Variants in NHSL1 observed in about 807,000 individuals in gnomAD.
The protein encoded by NHSL1 is NHS-like protein 1.
Under a neutral mutation model 95.0 loss-of-function variants are expected in NHSL1, and 48 were observed. The observed-to-expected ratio is 0.51, with a 90% CI of 0.40 to 0.64. The LOEUF is 0.64. Among genes scored for constraint, NHSL1 ranks in the 30% least tolerant of loss-of-function variants. The probability of loss-of-function intolerance (pLI) is 0.00; values close to 1 mark genes in which losing one functional copy is unlikely to be tolerated. For missense variants in NHSL1, 1,971 were observed against 2,077.7 expected, an observed-to-expected ratio of 0.95 and a Z score of 1.00; for synonymous variants, 783 against 833.9, an observed-to-expected ratio of 0.94 and a Z score of 1.05.
rs896400207 is a variant in NHSL1, at chr6:138,644,674, A to G, written c.96+47802T>C. Among the ~76,000 whole-genome samples the G allele has an allele frequency of 2.0e-5, 3 of 152,346 alleles. No individual in the cohort carries two copies. In the East Asian group the frequency reaches 5.8e-4, roughly 29 times the overall value. On this transcript the variant is annotated intron_variant, in intron 1 of 3. Transcript: ENST00000491526. ...TACCTGAAAATCTGGTTTTTACTTA[A>G]AAGGAGCAGGGACTGAGAGATAAGG... is the stretch of plus-strand genomic sequence containing the variant.
intron 1 of NHSL1, among the ~76,000 whole-genome samples, chr6:138,627,789 G>A (rs1233892436): frequency 1.3e-5 from 2 of 152,086 alleles, no homozygotes; most frequent in Non-Finnish European, 2.9e-5. Context: ...GCTGAGGCAG[G>A]AGAATCGCTT....
chr6:138,635,854 C>G (rs904724529), intron 1 of NHSL1, among the ~76,000 whole-genome samples: 2 of 151,416 alleles, frequency 1.3e-5, no homozygotes, highest in Admixed American at 1.3e-4. Flanking sequence ...TGGCTCACGC[C>G]AGTAATCCCA....
Position 138,424,532 on chromosome 6 carries a change from G to T in NHSL1, c.4370C>A (p.Ser1457Tyr), listed in dbSNP as rs369507715. 7 of 1,551,672 alleles carry T rather than the reference G, an allele frequency of 4.5e-6. No individual in the cohort carries two copies. The East Asian group carries it at 7.3e-5, about 16-fold the overall frequency. ...PRFQRSRSEP[S>Y]PDAPESPSSC... Reference sequence around the variant, plus strand: ...TGACGGGCTCTCGGGGGCATCTGGGGAAGGCTCTGACCTCGACCTCTGGAA... The same window carrying T: ...TGACGGGCTCTCGGGGGCATCTGGGTAAGGCTCTGACCTCGACCTCTGGAA... The change falls in exon 8 of 8, where the codon TCC (serine) becomes TAC (tyrosine). Residue 1457 changes from serine (S) to tyrosine (Y), a missense_variant. Around this residue, in one of 3 missense-constraint regions of NHSL1, gnomAD observed 223 missense variants for 217.0 expected, o/e 1.03. Transcript: ENST00000343505. The surrounding 1 kb of genome is among the most constrained non-coding windows in gnomAD (Gnocchi z 5.9).
At chr6:138,672,815 A>C (rs1249896618) in intron 1 of NHSL1, among the ~76,000 whole-genome samples, 1 of 152,144 alleles carries the variant, frequency 6.6e-6, no homozygotes, top group East Asian at 1.9e-4. Flanking sequence ...TCAGGAAATC[A>C]AGACCAGCCT....
At chr6:138,597,510 A>G (rs1784317760) in intron 1 of NHSL1, among the ~76,000 whole-genome samples, 1 of 152,224 alleles carries the variant, frequency 6.6e-6, no homozygotes, top group African/African-American at 2.4e-5. Flanking sequence ...GGTCCCGGGT[A>G]CATGTTGTTC....
intron 2 of NHSL1, among the ~76,000 whole-genome samples, chr6:138,486,252 TA>T (rs1051818407): frequency 3.9e-4 from 59 of 152,282 alleles, no homozygotes; most frequent in African/African-American, 1.4e-3. Flanking sequence ...CACCTCAAAA[TA>T]CTATCCCTTC....
chr6:138,424,245 C>G lies in NHSL1; in HGVS notation c.4657G>C (p.Asp1553His), dbSNP rs1187383809. 6.6e-7 allele frequency: 1 copy of G among 1,506,972 alleles called. No homozygotes were observed. The highest frequency in any genetic ancestry group is 8.9e-7 in the Non-Finnish European group (1 of 1,127,384). The allele number at this position is 1,506,972 out of a possible 1,614,324, so 93.4% of individuals were successfully genotyped here. ...ALGAAEGCSL[D>H]GLAREEMDEG... ...TCCATCTCCTCCCTCGCCAGTCCGTCCAGGGAACATCCCTCCGCAGCGCCC... is the reference window on the plus strand; with the variant it reads ...TCCATCTCCTCCCTCGCCAGTCCGTGCAGGGAACATCCCTCCGCAGCGCCC... Residue 1553 changes from aspartate to histidine, a missense_variant, in exon 8 of 8, where the codon GAC becomes CAC. This residue lies in a region of NHSL1 where 223 missense variants were observed against 217.0 expected (regional missense o/e 1.03). Transcript: ENST00000343505. This position sits in a 1 kb window ranked among gnomAD's most constrained non-coding sequence, Gnocchi z 5.9.
intron 3 of NHSL1, among the ~76,000 whole-genome samples, chr6:138,462,812 A>C (rs1398408907): frequency 6.6e-6 from 1 of 152,206 alleles, no homozygotes; most frequent in Non-Finnish European, 1.5e-5. Flanking sequence ...GAAAAGGTGG[A>C]TCAAACTGGA....
chr6:138,534,870 G>A (rs535529539), intron 1 of NHSL1, among the ~76,000 whole-genome samples: 1 of 152,290 alleles, frequency 6.6e-6, no homozygotes, highest in East Asian at 1.9e-4. Flanking sequence ...ACTCAGCTGG[G>A]ACTGTAGTTC....
At chr6:138,511,583 A>C (rs1242407983) in intron 1 of NHSL1, among the ~76,000 whole-genome samples, 1 of 151,552 alleles carries the variant, frequency 6.6e-6, no homozygotes, top group East Asian at 2.0e-4. Flanking sequence ...CACCACGCCC[A>C]GCCACTATAA....
rs1019620266 is a variant in NHSL1 at position 138,441,858 on chromosome 6, C to G, written c.664+125G>C. 4.8e-6 allele frequency: 4 copies of G among 836,050 alleles called. No homozygotes were observed. In the Admixed American group the frequency reaches 1.1e-4, roughly 24 times the overall value. The allele number at this position is 836,050 out of a possible 1,614,324, so 51.8% of individuals were successfully genotyped here. On this transcript the variant is annotated intron_variant, in intron 5 of 7. Coordinates refer to ENST00000343505, the MANE Select transcript of NHSL1 (RefSeq NM_001144060.2). ...CCTAATGCCTCATTCAGGAAGGAAG[C>G]TGGCCCGTTGGGGCACCAAACGGCT...
At position 138,557,041 on chromosome 6, in the gene NHSL1, G is replaced by A. The variant is rs572431105; in HGVS notation, c.202+14669C>T. Among the ~76,000 whole-genome samples the A allele has an allele frequency of 7.9e-4, 121 of 152,296 alleles. 1 individual carries two copies. The highest frequency in any genetic ancestry group is 2.7e-3 in the African/African-American group (111 of 41,562). On this transcript the variant is annotated intron_variant, in intron 1 of 6. Transcript: ENST00000427025. ...CTTGCTTAGTAAGTGAAACAAAGCA[G>A]TAGATGATAATCCTCCTTGAAAACT...
intron 1 of NHSL1, among the ~76,000 whole-genome samples, chr6:138,544,445 A>G (rs543207417): frequency 6.6e-6 from 1 of 152,044 alleles, no homozygotes; most frequent in South Asian, 2.1e-4. Flanking sequence ...TACCCCTTCA[A>G]TTTCACCAAA....
chr6:138,462,400 T>A lies in NHSL1; in HGVS notation c.339+10906A>T, dbSNP rs569991640. Among the ~76,000 whole-genome samples the A allele has an allele frequency of 5.9e-5, 9 of 152,182 alleles. No individual in the cohort carries two copies. The South Asian group carries it at 1.9e-3, about 32-fold the overall frequency. On this transcript the variant is annotated intron_variant, in intron 3 of 7. Transcript: ENST00000343505. ...TCTATTCCCACAAGAACCAATCCCATCAAGAGAGAGAGGGCAGAAACTCAC... is the reference window on the plus strand; with the variant it reads ...TCTATTCCCACAAGAACCAATCCCAACAAGAGAGAGAGGGCAGAAACTCAC...
At position 138,583,118 on chromosome 6, in the gene NHSL1, T is replaced by G. The variant is rs550754653; in HGVS notation, c.97-86747A>C. Among the ~76,000 whole-genome samples the G allele has an allele frequency of 8.5e-5, 13 of 152,276 alleles. No individual in the cohort carries two copies. The East Asian group carries it at 2.1e-3, about 25-fold the overall frequency. ...TGCAGTTTTAAAATGGGGGCAGTCC[T>G]GGGTACAAAGGATGGCTGGTCACCT... On this transcript the variant is annotated intron_variant, in intron 1 of 3. Coordinates refer to the NHSL1 transcript ENST00000491526.
chr6:138,532,618 C>A (rs9495114), intron 1 of NHSL1, among the ~76,000 whole-genome samples: 14,661 of 151,956 alleles, frequency 0.096, 1,248 homozygotes, highest in African/African-American at 0.24. Context: ...TTTGATCCCC[C>A]ACAAAATCAC....
intron 1 of NHSL1, among the ~76,000 whole-genome samples, chr6:138,535,815 A>C (rs953077927): frequency 2.0e-5 from 3 of 152,178 alleles, no homozygotes; most frequent in Non-Finnish European, 4.4e-5. Flanking sequence ...AAAACAGCAA[A>C]AGACTCATGA....
At chr6:138,544,957 A>G (rs1249724219) in intron 1 of NHSL1, among the ~76,000 whole-genome samples, 2 of 151,422 alleles carry the variant, frequency 1.3e-5, no homozygotes, top group East Asian at 3.9e-4. Context: ...ATATGTGGCC[A>G]GAACAAGAAG....
At chr6:138,533,794 T>G (rs745368720) in intron 1 of NHSL1, among the ~76,000 whole-genome samples, 11 of 152,190 alleles carry the variant, frequency 7.2e-5, no homozygotes, top group Non-Finnish European at 1.3e-4. Flanking sequence ...GTGTAGCCAC[T>G]TCAGAGTGAT....
Sources: allele counts gnomAD v4.1 joint callset (sites outside exome capture counted in the v4.1 genomes callset), GRCh38; gene constraint gnomAD v4.1.1; regional missense constraint gnomAD v4.1.1; non-coding constraint Gnocchi (gnomAD v3.1); transcripts MANE v1.5; gene names NCBI Gene and HGNC (gene_info 2026-07-23, HGNC 2026-07-21).